The following ITPR1 variants were observed in gnomAD, a reference collection of about 807,000 sequenced individuals.
ITPR1 encodes the protein inositol 1,4,5-trisphosphate receptor type 1.
ITPR1 carries 96 observed loss-of-function variants against 318.4 expected under a neutral mutation model. That is an observed-to-expected ratio of 0.30 (90% CI 0.26 to 0.36). The LOEUF (loss-of-function observed/expected upper bound fraction) is 0.36, where lower values mean the gene tolerates loss of function less well. Among genes scored for constraint, ITPR1 ranks in the 10% least tolerant of loss-of-function variants. The pLI is 1.00. For synonymous variants in ITPR1, 1,312 were observed against 1,289.9 expected (o/e 1.02, Z -0.37); for missense variants, 2,440 against 3,460.2 (o/e 0.71, Z 7.40).
chr3:4,720,741 T>C (rs1325157492), intron 40 of ITPR1, among the ~76,000 whole-genome samples: 1 of 152,164 alleles, frequency 6.6e-6, no homozygotes, highest in Non-Finnish European at 1.5e-5. Flanking sequence ...ACTCCTCGAC[T>C]TCTCCTACTT....
intron 4 of ITPR1, among the ~76,000 whole-genome samples, chr3:4,562,128 C>T (rs1260943525): frequency 6.6e-6 from 1 of 151,348 alleles, no homozygotes; most frequent in African/African-American, 2.4e-5. Flanking sequence ...AAAAAAATCT[C>T]ATAATGTTTT....
intron 4 of ITPR1, among the ~76,000 whole-genome samples, chr3:4,624,862 T>A (rs1008083217): frequency 6.6e-6 from 1 of 152,062 alleles, no homozygotes; most frequent in African/African-American, 2.4e-5. Context: ...ATTCATGGAG[T>A]GAATGGAGAA....
intron 2 of ITPR1, 88 bp downstream of exon 2, chr3:4,494,594 G>T (rs141922327): frequency 2.6e-5 from 4 of 152,334 alleles, no homozygotes; most frequent in African/African-American, 9.6e-5. Context: ...CAAGGAGGTG[G>T]GGAGTAAGAA....
At chr3:4,580,182 C>G (rs2125050067) in intron 4 of ITPR1, among the ~76,000 whole-genome samples, 1 of 152,230 alleles carries the variant, frequency 6.6e-6, no homozygotes, top group Admixed American at 6.5e-5. Context: ...TCCACTCCAT[C>G]CTGGGCAACA....
rs191052204 is a variant in ITPR1, at chr3:4,779,235, G to T, written c.6292-315G>T. ...TCACCATGAGGGTGACAGTGTATCC[G>T]TAAGCACCCACGTGTAAATTCCCAA... On this transcript the variant is annotated intron_variant, in intron 48 of 61. Coordinates refer to ENST00000649015, the MANE Select transcript of ITPR1 (RefSeq NM_001378452.1). This position sits in a 1 kb window ranked among gnomAD's most constrained non-coding sequence, Gnocchi z 4.0. Among the ~76,000 whole-genome samples the T allele has an allele frequency of 2.0e-5, 3 of 152,222 alleles. No homozygotes were observed. Among genetic ancestry groups the T allele is most frequent in the African/African-American group, 7.2e-5 (3 of 41,462 alleles).
intron 4 of ITPR1, among the ~76,000 whole-genome samples, chr3:4,556,560 T>C (rs1350167404): frequency 6.6e-6 from 1 of 151,982 alleles, no homozygotes. Context: ...GTTAGAATCT[T>C]CCACCAGGTA....
chr3:4,706,149 C>T lies in ITPR1; in HGVS notation c.4658-18C>T, dbSNP rs370940812. On this transcript the variant is annotated intron_variant, in intron 36 of 61. Transcript: ENST00000649015. ...CCATAAAAGTTGTAGGCTCACGACT[C>T]ATCTTTCTCCTGTGCAGCCAAGAGC... The T allele has an allele frequency of 7.1e-5, 115 of 1,613,916 alleles. No individual in the cohort carries two copies. In the African/African-American group the frequency reaches 1.4e-3, roughly 20 times the overall value.
chr3:4,780,064 C>T (rs1200406328), intron 49 of ITPR1, among the ~76,000 whole-genome samples: 2 of 151,904 alleles, frequency 1.3e-5, no homozygotes, highest in South Asian at 4.2e-4. Context: ...ATAGCTCTGC[C>T]TGTTTTGCTG....
chr3:4,578,521 G>A (rs548044386), intron 4 of ITPR1, among the ~76,000 whole-genome samples: 1 of 152,234 alleles, frequency 6.6e-6, no homozygotes, highest in Middle Eastern at 3.4e-3. Flanking sequence ...TATAGTGTGT[G>A]TGCCAGTGAG....
At chr3:4,827,580 C>G (rs1291549918) in intron 60 of ITPR1, among the ~76,000 whole-genome samples, 1 of 152,142 alleles carries the variant, frequency 6.6e-6, no homozygotes, top group African/African-American at 2.4e-5. Flanking sequence ...GAGTTTCCAC[C>G]TTTTACAAAT....
intron 4 of ITPR1, among the ~76,000 whole-genome samples, chr3:4,578,901 G>T (rs898341356): frequency 6.6e-6 from 1 of 152,214 alleles, no homozygotes; most frequent in South Asian, 2.1e-4. Flanking sequence ...GTCATTGAGA[G>T]AGGGGGCCCC....
chr3:4,684,261 GT>G lies in ITPR1; in HGVS notation c.3499-19del. 6.4e-7 allele frequency: 1 copy of G among 1,570,618 alleles called. No homozygotes were observed. On this transcript the variant is annotated intron_variant, in intron 28 of 61. Transcript: ENST00000649015. Reference sequence around the variant, plus strand: ...CCCAAGAGTTGTACAGATCACACTTGTGTTCACTTTGGTTTCTAGGAGGGAA... The same window carrying G: ...CCCAAGAGTTGTACAGATCACACTTGGTTCACTTTGGTTTCTAGGAGGGAA...
At chr3:4,580,202 T>C (rs1242959962) in intron 4 of ITPR1, among the ~76,000 whole-genome samples, 2 of 152,058 alleles carry the variant, frequency 1.3e-5, no homozygotes, top group Admixed American at 6.5e-5. Flanking sequence ...AGAGCCAGAC[T>C]CCGTCTCAAA....
Position 4,642,157 on chromosome 3 carries a change from A to G in ITPR1, c.431A>G (p.Lys144Arg). 6.2e-7 allele frequency: 1 copy of G among 1,610,346 alleles called. No homozygotes were observed. The highest frequency in any genetic ancestry group is 8.5e-7 in the Non-Finnish European group (1 of 1,178,032). Residue 144 changes from lysine (K) to arginine (R), a missense_variant, in exon 7 of 62, where the codon AAG becomes AGG. This residue lies in a region of ITPR1 where 186 missense variants were observed against 323.9 expected (regional missense o/e 0.57). Transcript: ENST00000649015. ...AAGAGGCTTCCTGCTCTGTTGGAGA[A>G]GAATGCCATGAGAGTCACATTGGAC... ...VNKRLPALLEKNAMRVTLDEA... is the reference protein window; with the variant it reads ...VNKRLPALLERNAMRVTLDEA...
chr3:4,525,561 G>C (rs547394441), intron 4 of ITPR1, among the ~76,000 whole-genome samples: 1 of 152,278 alleles, frequency 6.6e-6, no homozygotes, highest in East Asian at 1.9e-4. Flanking sequence ...TTTTTCATCT[G>C]AATGAATTTT....
chr3:4,735,713 A>C, intron 44 of ITPR1: 2 of 119,842 alleles, frequency 1.7e-5, no homozygotes, highest in Non-Finnish European at 2.8e-5. Context: ...AGGGGATCTC[A>C]TCACAAGATG....
intron 4 of ITPR1, among the ~76,000 whole-genome samples, chr3:4,553,170 A>G (rs74460086): frequency 0.023 from 3,507 of 152,238 alleles, 287 homozygotes; most frequent in East Asian, 0.22. Flanking sequence ...CATGAGTAGA[A>G]AAACTTACGG....
chr3:4,733,193 G>A lies in ITPR1; in HGVS notation c.5326G>A (p.Gly1776Arg), dbSNP rs771521967. Residue 1776 changes from glycine to arginine, a missense_variant, in exon 43 of 62, where the codon GGA becomes AGA. By Grantham distance (125) the Gly-to-Arg change is moderately radical. Coordinates refer to ENST00000649015, the MANE Select transcript of ITPR1 (RefSeq NM_001378452.1). ...TSFGNGPLSA[G>R]GPGKPGGGGG... ...CTTTGGCAATGGCCCACTGTCAGCA[G>A]GAGGACCCGGCAAGCCCGGGGGAGG... The A allele has an allele frequency of 2.5e-6, 4 of 1,614,034 alleles. No homozygotes were observed. The highest frequency in any genetic ancestry group is 3.4e-6 in the Non-Finnish European group (4 of 1,179,886).
At chr3:4,739,876 G>C (rs1183147892) in intron 44 of ITPR1, among the ~76,000 whole-genome samples, 1 of 152,148 alleles carries the variant, frequency 6.6e-6, no homozygotes, top group Non-Finnish European at 1.5e-5. Context: ...GTCCTTTGCT[G>C]AGAGCTCAGC....
Sources: allele counts gnomAD v4.1 joint callset (sites outside exome capture counted in the v4.1 genomes callset), GRCh38; gene constraint gnomAD v4.1.1; regional missense constraint gnomAD v4.1.1; non-coding constraint Gnocchi (gnomAD v3.1); transcripts MANE v1.5; gene names NCBI Gene and HGNC (gene_info 2026-07-23, HGNC 2026-07-21).